PRRT3: variants seen among roughly 807,000 people sequenced by gnomAD.
PRRT3 encodes the protein proline rich transmembrane protein 3.
In PRRT3, 48 loss-of-function variants were observed where a neutral mutation model predicts 56.6. That is an observed-to-expected ratio of 0.85 (90% CI 0.67 to 1.08). The LOEUF (loss-of-function observed/expected upper bound fraction) is 1.08, where lower values mean the gene tolerates loss of function less well. PRRT3 is among the 50% of genes least tolerant of loss of function. The pLI is 0.00. For synonymous variants in PRRT3, 641 were observed against 619.1 expected, an observed-to-expected ratio of 1.04 and a Z score of -0.52; for missense variants, 1,370 against 1,353.1, an observed-to-expected ratio of 1.01 and a Z score of -0.20.
chr3:9,947,538 G>C lies in PRRT3; in HGVS notation c.1635C>G (p.Phe545Leu). Residue 545 changes from phenylalanine (F) to leucine (L), a missense_variant, in exon 4 of 4, where the codon TTC becomes TTG. Coordinates refer to ENST00000412055, the MANE Select transcript of PRRT3 (RefSeq NM_207351.5). This position sits in a 1 kb window ranked among gnomAD's most constrained non-coding sequence, Gnocchi z 9.2. The part of the protein sequence containing the change: ...RGGLVLYNLP[F>L]PLLLTALAAL... ...CTGCCAGCGCCGTAAGCAGCAAGGG[G>C]AAGGGCAGGTTGTAGAGCACCAGGC... is the stretch of plus-strand genomic sequence containing the variant. 6.2e-7 allele frequency: 1 copy of C among 1,611,448 alleles called. No homozygotes were observed. The highest frequency in any genetic ancestry group is 8.5e-7 in the Non-Finnish European group (1 of 1,179,420).
intron 1 of PRRT3, among the ~76,000 whole-genome samples, chr3:9,950,573 G>T (rs2085607199): frequency 6.6e-6 from 1 of 152,184 alleles, no homozygotes; most frequent in South Asian, 2.1e-4. Context: ...CGTGATCTCG[G>T]CTCACTGCAA....
In PRRT3 at chr3:9,949,208, G is replaced by C. The variant is rs556776587; in HGVS notation, c.908C>G (p.Pro303Arg). 407 of 1,608,746 alleles carry C rather than the reference G, an allele frequency of 2.5e-4. 5 individuals carry two copies. In the South Asian group the frequency reaches 2.6e-3, roughly 10 times the overall value. Residue 303 changes from proline (P) to arginine (R), a missense_variant, in exon 2 of 4, where the codon CCA becomes CGA. Pro to Arg is a moderately radical substitution (Grantham distance 103). Coordinates refer to ENST00000412055, the MANE Select transcript of PRRT3 (RefSeq NM_207351.5). This position sits in a 1 kb window ranked among gnomAD's most constrained non-coding sequence, Gnocchi z 4.5. ...GTCAGCCTGCTTGGGCGGGGGACCT[G>C]GGGAGCTGACTTCCCAGGACACCTC... ...GAEVSWEVSS[P>R]GPPPKQADLP...
Position 9,949,460 on chromosome 3 carries a change from T to C in PRRT3, c.656A>G (p.Lys219Arg), listed in dbSNP as rs766781448. ...HTLVSHSGTVKRPVLEGQGGF... is the reference protein window; with the variant it reads ...HTLVSHSGTVRRPVLEGQGGF... The stretch of plus-strand genomic sequence containing the variant: ...ACCCTGTCCTTCCAGCACTGGCCTC[T>C]TGACAGTACCTGAGTGGGAAACAAG... The change falls in exon 2 of 4, where the codon AAG becomes AGG. Residue 219 changes from lysine to arginine, a missense_variant. By Grantham distance (26) the Lys-to-Arg change is conservative. Transcript: ENST00000412055. The surrounding 1 kb of genome is among the most constrained non-coding windows in gnomAD (Gnocchi z 4.5). 1.2e-5 allele frequency: 20 copies of C among 1,614,076 alleles called. No homozygotes were observed. The highest frequency in any genetic ancestry group is 1.7e-5 in the Non-Finnish European group (20 of 1,179,958).
chr3:9,947,376 G>T lies in PRRT3; in HGVS notation c.1797C>A (p.Leu599=), dbSNP rs778991358. The part of the protein sequence containing the change: ...DLLSTWSVLN[L]LTQGLSCAWG... ...AGGCGCACGACAAGCCCTGCGTCAG[G>T]AGGTTGAGCACAGACCATGTGGACA... is the stretch of plus-strand genomic sequence containing the variant. The change falls in exon 4 of 4, where the codon CTC becomes CTA. Residue 599 remains leucine (L), a synonymous_variant. Coordinates refer to ENST00000412055, the MANE Select transcript of PRRT3 (RefSeq NM_207351.5). The surrounding 1 kb of genome is among the most constrained non-coding windows in gnomAD (Gnocchi z 9.2). 3.1e-6 allele frequency: 5 copies of T among 1,611,928 alleles called. No homozygotes were observed. The highest frequency in any genetic ancestry group is 4.2e-6 in the Non-Finnish European group (5 of 1,179,450).
intron 3 of PRRT3, 164 bp downstream of exon 3, chr3:9,948,594 T>C: frequency 1.3e-6 from 1 of 746,288 alleles, no homozygotes; most frequent in Non-Finnish European, 2.2e-6. Flanking sequence ...CCAGTGAGTA[T>C]GAATTTATTA....
At position 9,949,886 on chromosome 3, in the gene PRRT3, T is replaced by TGGCGGACATCAGAGTTCCTGTGACTG; in HGVS notation, c.204_229dup (p.His77ProfsTer21). 6.2e-7 allele frequency: 1 copy of TGGCGGACATCAGAGTTCCTGTGACTG among 1,613,484 alleles called. No homozygotes were observed. Among genetic ancestry groups the TGGCGGACATCAGAGTTCCTGTGACTG allele is most frequent in the Non-Finnish European group, 8.5e-7 (1 of 1,179,592 alleles). On this transcript the variant is annotated frameshift_variant, in exon 2 of 4. Coordinates refer to ENST00000412055, the MANE Select transcript of PRRT3 (RefSeq NM_207351.5). LOFTEE classifies it high-confidence loss of function. This position sits in a 1 kb window ranked among gnomAD's most constrained non-coding sequence, Gnocchi z 4.5. Reference sequence around the variant, plus strand: ...CTCAGGCATCTCTTCAGCAGGGGCGTGGCGGACATCAGAGTTCCTGTGACT... The same window carrying TGGCGGACATCAGAGTTCCTGTGACTG: ...CTCAGGCATCTCTTCAGCAGGGGCGTGGCGGACATCAGAGTTCCTGTGACTGGGCGGACATCAGAGTTCCTGTGACT...
At position 9,947,519 on chromosome 3, in the gene PRRT3, G is replaced by C. The variant is rs781375937; in HGVS notation, c.1654C>G (p.Leu552Val). The change falls in exon 4 of 4, where the codon CTG (leucine) becomes GTG (valine). Residue 552 changes from leucine to valine, a missense_variant. Coordinates refer to ENST00000412055, the MANE Select transcript of PRRT3 (RefSeq NM_207351.5). This position sits in a 1 kb window ranked among gnomAD's most constrained non-coding sequence, Gnocchi z 9.2. The part of the protein sequence containing the change: ...NLPFPLLLTA[L>V]AALTLLGLGA... ...AGGCCGAGCAGAGTCAGGGCTGCCA[G>C]CGCCGTAAGCAGCAAGGGGAAGGGC... 6.2e-7 allele frequency: 1 copy of C among 1,611,686 alleles called. No individual in the cohort carries two copies. Among genetic ancestry groups the C allele is most frequent in the Admixed American group, 1.7e-5 (1 of 59,958 alleles).
rs1411016142 is a variant in PRRT3, at chr3:9,947,019, C to T, written c.2154G>A (p.Leu718=). 2.6e-6 allele frequency: 4 copies of T among 1,540,366 alleles called. No homozygotes were observed. The highest frequency in any genetic ancestry group is 2.6e-6 in the Non-Finnish European group (3 of 1,148,040). Residue 718 remains leucine, a synonymous_variant, in exon 4 of 4, where the codon CTG becomes CTA. Transcript: ENST00000412055. This position sits in a 1 kb window ranked among gnomAD's most constrained non-coding sequence, Gnocchi z 9.2. ...EHACWAKLMR[L]ACPAPSGKSE... ...TCTTTCCTGACGGCGCCGGGCACGC[C>T]AGACGCATCAGCTTAGCCCAGCAAG...
chr3:9,949,183 G>A lies in PRRT3; in HGVS notation c.933C>T (p.Asp311=). The A allele has an allele frequency of 6.2e-7, 1 of 1,612,210 alleles. No homozygotes were observed. The highest frequency in any genetic ancestry group is 8.5e-7 in the Non-Finnish European group (1 of 1,179,340). The change falls in exon 2 of 4, where the codon GAC becomes GAT. Residue 311 remains aspartate (D), a synonymous_variant. Coordinates refer to ENST00000412055, the MANE Select transcript of PRRT3 (RefSeq NM_207351.5). This position sits in a 1 kb window ranked among gnomAD's most constrained non-coding sequence, Gnocchi z 4.5. Reference sequence around the variant, plus strand: ...CTGGTGAATCCTTAGCGTCAGGAAGGTCAGCCTGCTTGGGCGGGGGACCTG... The same window carrying A: ...CTGGTGAATCCTTAGCGTCAGGAAGATCAGCCTGCTTGGGCGGGGGACCTG... ...SSPGPPPKQA[D]LPDAKDSPGP...
At chr3:9,951,100 G>A (rs550089444) in intron 1 of PRRT3, among the ~76,000 whole-genome samples, 4 of 152,242 alleles carry the variant, frequency 2.6e-5, no homozygotes, top group South Asian at 2.1e-4. Flanking sequence ...CTGGGCACTT[G>A]TCACTCTGGT....
chr3:9,949,893 C>T lies in PRRT3; in HGVS notation c.223G>A (p.Val75Ile), dbSNP rs747551164. Residue 75 changes from valine (V) to isoleucine (I), a missense_variant, in exon 2 of 4, where the codon GTC becomes ATC. Physicochemically the swap from Val to Ile is conservative, Grantham distance 29. Transcript: ENST00000412055. The surrounding 1 kb of genome is among the most constrained non-coding windows in gnomAD (Gnocchi z 4.5). The part of the protein sequence containing the change: ...PRADSHRNSD[V>I]RHAPAEEMPE... The stretch of plus-strand genomic sequence containing the variant: ...ATCTCTTCAGCAGGGGCGTGGCGGA[C>T]ATCAGAGTTCCTGTGACTGTCAGCT... 9.7e-5 allele frequency: 156 copies of T among 1,613,196 alleles called. 1 individual carries two copies. The South Asian group carries it at 1.6e-3, about 17-fold the overall frequency.
chr3:9,950,945 T>C (rs1450899285), intron 1 of PRRT3, among the ~76,000 whole-genome samples: 3 of 152,222 alleles, frequency 2.0e-5, no homozygotes, highest in African/African-American at 4.8e-5. Context: ...CTCTGCATCA[T>C]AGTTTTCCCA....
intron 1 of PRRT3, among the ~76,000 whole-genome samples, chr3:9,950,885 C>A (rs1018824661): frequency 6.6e-6 from 1 of 152,136 alleles, no homozygotes; most frequent in African/African-American, 2.4e-5. Context: ...TGGCGAGGGG[C>A]CTGAGTTTGA....
intron 1 of PRRT3, among the ~76,000 whole-genome samples, 170 bp downstream of exon 1, chr3:9,952,143 TCTCCTCCTC>T (rs562516938): frequency 1.4e-3 from 214 of 151,146 alleles, no homozygotes; most frequent in African/African-American, 4.7e-3. Flanking sequence ...TCGGGTTACC[TCTCCTCCTC>T]CTCCTCCTCC....
In PRRT3 at chr3:9,947,825, G is replaced by T. The variant is rs780497935; in HGVS notation, c.1348C>A (p.Pro450Thr). The T allele has an allele frequency of 3.5e-6, 5 of 1,440,338 alleles. No homozygotes were observed. The highest frequency in any genetic ancestry group is 4.6e-6 in the Non-Finnish European group (5 of 1,096,408). 89.2% of individuals were successfully genotyped at this position (1,440,338 alleles called of 1,614,324 possible). A position where few individuals can be genotyped will look rare whatever the true frequency, so the allele number is the denominator to read the frequency against. Residue 450 changes from proline (P) to threonine (T), a missense_variant, in exon 4 of 4, where the codon CCA becomes ACA. Pro to Thr is a conservative substitution (Grantham distance 38). Coordinates refer to ENST00000412055, the MANE Select transcript of PRRT3 (RefSeq NM_207351.5). This position sits in a 1 kb window ranked among gnomAD's most constrained non-coding sequence, Gnocchi z 9.2. The stretch of plus-strand genomic sequence containing the variant: ...AGCGGGGGTGCAGTGGCGTTGGCTG[G>T]GGGGCTGGAGGCTGGGGCTGAAGCC... ...SMASAPASSP[P>T]ANATAPPLRW...
chr3:9,948,088 C>G (rs2085560535), intron 3 of PRRT3, 87 bp from the exon 4 acceptor site: 6 of 1,255,266 alleles, frequency 4.8e-6, no homozygotes, highest in Non-Finnish European at 6.0e-6. Flanking sequence ...AGTCATTTAA[C>G]TTTTCCAAAC....
Position 9,947,198 on chromosome 3 carries a change from G to T in PRRT3, c.1975C>A (p.Leu659Ile). ...CGGCCTGGGCCCGGGTACAGCCAGA[G>T]CGCAGCCGCCAGCTGCAAGCCGCTA... ...LASGLQLAAA[L>I]WLYPGPGRVG... Residue 659 changes from leucine to isoleucine, a missense_variant, in exon 4 of 4, where the codon CTC (leucine) becomes ATC (isoleucine). Leu to Ile is a conservative substitution (Grantham distance 5). Transcript: ENST00000412055. This position sits in a 1 kb window ranked among gnomAD's most constrained non-coding sequence, Gnocchi z 9.2. 6.6e-7 allele frequency: 1 copy of T among 1,523,552 alleles called. No individual in the cohort carries two copies. Among genetic ancestry groups the T allele is most frequent in the Non-Finnish European group, 8.8e-7 (1 of 1,141,908 alleles). 94.4% of individuals were successfully genotyped at this position (1,523,552 alleles called of 1,614,324 possible).
chr3:9,950,225 C>T, intron 1 of PRRT3, 53 bp from the exon 2 acceptor site: 2 of 857,996 alleles, frequency 2.3e-6, no homozygotes, highest in East Asian at 3.2e-5. Flanking sequence ...GGCCCCCATG[C>T]CTTCCTCAAG....
Position 9,949,416 on chromosome 3 carries a change from G to C in PRRT3, c.700C>G (p.Gln234Glu), listed in dbSNP as rs775707495. ...EGQGGFEEHL[Q>E]EAAQGPHFTQ... The stretch of plus-strand genomic sequence containing the variant: ...AAGTGGGGACCTTGAGCTGCCTCCT[G>C]CAAGTGTTCCTCAAACCCACCCTGT... Residue 234 changes from glutamine to glutamate, a missense_variant, in exon 2 of 4, where the codon CAG (glutamine) becomes GAG (glutamate). By Grantham distance (29) the Gln-to-Glu change is conservative. Coordinates refer to ENST00000412055, the MANE Select transcript of PRRT3 (RefSeq NM_207351.5). This position sits in a 1 kb window ranked among gnomAD's most constrained non-coding sequence, Gnocchi z 4.5. 2.5e-6 allele frequency: 4 copies of C among 1,614,142 alleles called. No homozygotes were observed. The highest frequency in any genetic ancestry group is 2.5e-6 in the Non-Finnish European group (3 of 1,180,008).
Sources: allele counts gnomAD v4.1 joint callset (sites outside exome capture counted in the v4.1 genomes callset), GRCh38; gene constraint gnomAD v4.1.1; non-coding constraint Gnocchi (gnomAD v3.1); transcripts MANE v1.5; gene names NCBI Gene and HGNC (gene_info 2026-07-23, HGNC 2026-07-21).